The following NXPE4 variants were observed in gnomAD, a reference collection of about 807,000 sequenced individuals.
NXPE4 encodes the protein neurexophilin and PC-esterase domain family member 4.
In NXPE4, 42 loss-of-function variants were observed where a neutral mutation model predicts 33.3. The observed-to-expected ratio is 1.26, with a 90% CI of 0.98 to 1.63. The LOEUF (loss-of-function observed/expected upper bound fraction) is 1.63. Among genes scored for constraint, NXPE4 ranks in the 40% most tolerant of loss-of-function variants. NXPE4 has a pLI of 0.00. For missense variants in NXPE4, 709 were observed against 647.6 expected, an observed-to-expected ratio of 1.09 and a Z score of -1.03; for synonymous variants, 253 against 234.9, an observed-to-expected ratio of 1.08 and a Z score of -0.71.
At chr11:114,639,317 G>T in the NXPE4 span, among the ~76,000 whole-genome samples, 1 of 152,022 alleles carries the variant, frequency 6.6e-6, no homozygotes, top group Non-Finnish European at 1.5e-5. Flanking sequence ...TAAGCCCGTC[G>T]GAAAAGTGCA....
chr11:114,657,907 C>T, the NXPE4 span, among the ~76,000 whole-genome samples: 98 of 152,210 alleles, frequency 6.4e-4, no homozygotes, highest in Non-Finnish European at 1.1e-3. Flanking sequence ...CAATCAAAGA[C>T]GAATAGAATA....
At chr11:114,587,627 C>T (rs1303040625) in intron 2 of NXPE4, among the ~76,000 whole-genome samples, 1 of 152,176 alleles carries the variant, frequency 6.6e-6, no homozygotes, top group Non-Finnish European at 1.5e-5. Context: ...ATGGATGGCA[C>T]CTTAAAAGAT....
chr11:114,594,199 C>A (rs1216521278), intron 2 of NXPE4, among the ~76,000 whole-genome samples: 1 of 152,000 alleles, frequency 6.6e-6, no homozygotes, highest in Non-Finnish European at 1.5e-5. Context: ...GTTTGTAGCA[C>A]AAGAAAGGAT....
the NXPE4 span, among the ~76,000 whole-genome samples, chr11:114,606,181 G>T: frequency 3.6e-4 from 54 of 151,922 alleles, 1 homozygote; most frequent in Middle Eastern, 0.01. Flanking sequence ...TGCCTTGTGG[G>T]TAATCACAGT....
chr11:114,647,793 CT>C, the NXPE4 span, among the ~76,000 whole-genome samples: 1 of 152,034 alleles, frequency 6.6e-6, no homozygotes, highest in Non-Finnish European at 1.5e-5. Context: ...CCTCTTCCCC[CT>C]GGGTTTAAGC....
At chr11:114,598,457 C>T (rs1260739328), upstream of NXPE4, among the ~76,000 whole-genome samples, 4 of 152,230 alleles carry the variant, frequency 2.6e-5, no homozygotes, top group African/African-American at 9.7e-5. Context: ...TCCACACTGC[C>T]CTAGTAGAGG....
At chr11:114,593,635 A>G (rs1218181606) in intron 2 of NXPE4, among the ~76,000 whole-genome samples, 3 of 152,086 alleles carry the variant, frequency 2.0e-5, no homozygotes, top group Admixed American at 2.0e-4. Context: ...AAAAACTAAA[A>G]ATAGGCTACC....
chr11:114,580,051 T>C, intron 5 of NXPE4, 81 bp downstream of exon 5: 1 of 1,198,358 alleles, frequency 8.3e-7, no homozygotes, highest in Middle Eastern at 2.0e-4. Flanking sequence ...AAAGAGGAAT[T>C]TCCCATATTC....
chr11:114,678,122 C>G, the NXPE4 span, among the ~76,000 whole-genome samples: 3 of 152,054 alleles, frequency 2.0e-5, no homozygotes, highest in Admixed American at 2.0e-4. Flanking sequence ...GAGGACCCAG[C>G]TGAATCAATT....
the NXPE4 span, among the ~76,000 whole-genome samples, chr11:114,643,529 C>T: frequency 2.0e-5 from 3 of 152,050 alleles, no homozygotes; most frequent in African/African-American, 7.2e-5. Context: ...TTCCCCATTG[C>T]TTGTTTTTGT....
In NXPE4 at chr11:114,584,047, C is replaced by T. The variant is rs1949223271; in HGVS notation, c.97-1026G>A. The stretch of plus-strand genomic sequence containing the variant: ...TGATCTTACAGCATGGCTCAGATGC[C>T]TTGTCTAGGGGTCACTTAGATTGCT... On this transcript the variant is annotated intron_variant, in intron 2 of 5. Transcript: ENST00000375478. 3 of 325,776 alleles carry T rather than the reference C, an allele frequency of 9.2e-6. No homozygotes were observed. The Admixed American group carries it at 1.1e-4, about 12-fold the overall frequency. The allele number at this position is 325,776 out of a possible 1,614,324, so 20.2% of individuals were successfully genotyped here. A position where few individuals can be genotyped will look rare whatever the true frequency, so the allele number is the denominator to read the frequency against.
At chr11:114,579,042 G>A (rs1320154558) in intron 5 of NXPE4, among the ~76,000 whole-genome samples, 2 of 152,276 alleles carry the variant, frequency 1.3e-5, no homozygotes, top group East Asian at 3.9e-4. Context: ...AATTTATAAG[G>A]AAAGGAGGCT....
rs1475472547 is a variant in NXPE4 at position 114,580,203 on chromosome 11, C to T, written c.1028G>A (p.Gly343Glu). Residue 343 changes from glycine (G) to glutamate (E), a missense_variant, in exon 5 of 6, where the codon GGA (glycine) becomes GAA (glutamate). By Grantham distance (98) the Gly-to-Glu change is moderately conservative (BLOSUM62 -2). Coordinates refer to ENST00000375478, the MANE Select transcript of NXPE4 (RefSeq NM_001077639.2). The stretch of plus-strand genomic sequence containing the variant: ...ATCTCCCATTAGGTATATGAGTTTT[C>T]CTCTCAGGCATTCCTTCATTTTGAC... ...ATVKMKECLR[G>E]KLIYLMGDST... 3 of 1,613,928 alleles carry T rather than the reference C, an allele frequency of 1.9e-6. No homozygotes were observed. In the African/African-American group the frequency reaches 4.0e-5, roughly 22 times the overall value.
chr11:114,583,549 C>T, intron 2 of NXPE4: 1 of 601,462 alleles, frequency 1.7e-6, no homozygotes, highest in Admixed American at 1.9e-5. Flanking sequence ...TTAGTGAGGA[C>T]TGTCCAGCAT....
At chr11:114,573,915 T>C (rs1024840624) in intron 5 of NXPE4, among the ~76,000 whole-genome samples, 11 of 152,126 alleles carry the variant, frequency 7.2e-5, no homozygotes. Context: ...ATACATTCTA[T>C]TTATCAGCAC....
chr11:114,632,699 T>TATATATATAAATTTATATATTTATATA, the NXPE4 span, among the ~76,000 whole-genome samples: 2 of 71,954 alleles, frequency 2.8e-5, no homozygotes, highest in Non-Finnish European at 4.8e-5. Context: ...TTTATATATT[T>TATATATATAAATTTATATATTTATATA]ATATAATATA....
the NXPE4 span, among the ~76,000 whole-genome samples, chr11:114,671,863 A>G: frequency 4.3e-4 from 65 of 152,146 alleles, no homozygotes; most frequent in Non-Finnish European, 4.0e-4. Flanking sequence ...CACACACACT[A>G]TATTAGTCTG....
At chr11:114,594,592 C>G in intron 2 of NXPE4, 72 bp downstream of exon 2, 1 of 949,712 alleles carries the variant, frequency 1.1e-6, no homozygotes, top group Non-Finnish European at 1.7e-6. Flanking sequence ...TGTAGTTTAG[C>G]CTTTCCTAGA....
the NXPE4 span, among the ~76,000 whole-genome samples, chr11:114,632,375 G>C: frequency 7.7e-6 from 1 of 129,494 alleles, no homozygotes; most frequent in Non-Finnish European, 1.6e-5. Context: ...ATTACATATA[G>C]TTATATATGA....
Sources: allele counts gnomAD v4.1 joint callset (sites outside exome capture counted in the v4.1 genomes callset), GRCh38; gene constraint gnomAD v4.1.1; transcripts MANE v1.5; gene names NCBI Gene and HGNC (gene_info 2026-07-23, HGNC 2026-07-21).